TTC29: variants seen among roughly 807,000 people sequenced by gnomAD.
TTC29 encodes the protein tetratricopeptide repeat protein 29.
A neutral mutation model predicts 58.1 loss-of-function variants in TTC29; 49 were observed. The observed-to-expected ratio is 0.84, with a 90% CI of 0.67 to 1.07. The LOEUF is 1.07. Ranked by LOEUF, TTC29 falls within the 50% of genes least tolerant of loss-of-function variation. TTC29 has a pLI of 0.00. For synonymous variants in TTC29, 209 were observed against 196.8 expected (o/e 1.06, Z -0.52); for missense variants, 582 against 555.6 (o/e 1.05, Z -0.48).
chr4:146,869,578 C>A (rs1730793903), intron 7 of TTC29, among the ~76,000 whole-genome samples: 2 of 152,042 alleles, frequency 1.3e-5, no homozygotes, highest in African/African-American at 4.8e-5. Flanking sequence ...CAGGAAGCTA[C>A]TTATTAGAGA....
intron 8 of TTC29, among the ~76,000 whole-genome samples, chr4:146,844,422 G>A (rs552082749): frequency 7.9e-5 from 12 of 151,810 alleles, no homozygotes; most frequent in African/African-American, 1.2e-4. Context: ...ACTCTCAATC[G>A]TTACTGTACT....
rs1030877787 is a variant in TTC29, at chr4:146,713,803, T to A, written c.1331-6252A>T. On this transcript the variant is annotated intron_variant, in intron 11 of 12. Coordinates refer to ENST00000325106, the MANE Select transcript of TTC29 (RefSeq NM_031956.4). The stretch of plus-strand genomic sequence containing the variant: ...TAAATGGAATGCAACTAGGCCTGAA[T>A]GAAGCATTGAAGATACCATATTGAC... 3.3e-5 allele frequency among the ~76,000 whole-genome samples: 5 copies of A among 152,238 alleles called. No individual in the cohort carries two copies. The East Asian group carries it at 7.7e-4, about 24-fold the overall frequency.
At chr4:146,942,460 G>A in intron 2 of TTC29, 1 of 482,418 alleles carries the variant, frequency 2.1e-6, no homozygotes, top group Non-Finnish European at 3.6e-6. Flanking sequence ...AAACAGTTGA[G>A]TTACTGGAAT....
chr4:146,773,787 GT>G lies in TTC29; in HGVS notation c.1330+29669del, dbSNP rs35047211. Among the ~76,000 whole-genome samples the G allele has an allele frequency of 5.5e-3, 795 of 144,380 alleles. 5 individuals are homozygous for G. Among genetic ancestry groups the G allele is most frequent in the African/African-American group, 0.018 (698 of 39,768 alleles). 94.7% of individuals were successfully genotyped at this position (144,380 alleles called of 152,430 possible). On this transcript the variant is annotated intron_variant, in intron 11 of 12. Transcript: ENST00000325106. The stretch of plus-strand genomic sequence containing the variant: ...AAGTGAGGAGTTCCTCCTTCTCAGG[GT>G]TTTTTTTTTTAATACTTTCAGTAGG...
intron 9 of TTC29, chr4:146,831,826 T>C (rs765078410): frequency 7.6e-6 from 3 of 392,256 alleles, no homozygotes; most frequent in Non-Finnish European, 1.6e-5. Flanking sequence ...ATAAAGACCA[T>C]CAGTAACCAA....
chr4:146,909,063 G>A lies in TTC29; in HGVS notation c.363C>T (p.Tyr121=). 1.2e-6 allele frequency: 2 copies of A among 1,613,874 alleles called. No homozygotes were observed. The highest frequency in any genetic ancestry group is 1.1e-5 in the South Asian group (1 of 91,080). ...EEQPDKLDYL[Y]HYLTRAEDAE... ...CGTCCTCAGCCCTGGTCAGGTAATG[G>A]TACAGGTAATCCAGTTTATCAGGCT... is the stretch of plus-strand genomic sequence containing the variant. Residue 121 remains tyrosine, a synonymous_variant, in exon 5 of 13, where the codon TAC becomes TAT. Coordinates refer to ENST00000325106, the MANE Select transcript of TTC29 (RefSeq NM_031956.4).
chr4:146,719,890 A>G (rs1256073197), intron 11 of TTC29, among the ~76,000 whole-genome samples: 2 of 152,158 alleles, frequency 1.3e-5, no homozygotes, highest in Non-Finnish European at 2.9e-5. Context: ...CAGTCATGAA[A>G]TTTCTCTAAA....
intron 6 of TTC29, among the ~76,000 whole-genome samples, chr4:146,891,677 G>A (rs1299300912): frequency 1.3e-5 from 2 of 152,084 alleles, no homozygotes; most frequent in African/African-American, 2.4e-5. Context: ...ATTACTCCTT[G>A]GCCTGGGCAG....
At chr4:146,789,680 T>C (rs1749285577) in intron 11 of TTC29, among the ~76,000 whole-genome samples, 1 of 152,164 alleles carries the variant, frequency 6.6e-6, no homozygotes, top group Non-Finnish European at 1.5e-5. Context: ...TAGACTACAA[T>C]AGAAAAGTAT....
chr4:146,774,451 C>T (rs569638840), intron 11 of TTC29, among the ~76,000 whole-genome samples: 1 of 152,192 alleles, frequency 6.6e-6, no homozygotes, highest in South Asian at 2.1e-4. Flanking sequence ...CAAATAATGT[C>T]TTGATTTCTG....
chr4:146,749,650 C>A (rs1489396043), intron 11 of TTC29, among the ~76,000 whole-genome samples: 3 of 151,990 alleles, frequency 2.0e-5, no homozygotes, highest in Non-Finnish European at 4.4e-5. Context: ...TAAAACTCCC[C>A]AAGTCCTGGG....
intron 11 of TTC29, among the ~76,000 whole-genome samples, chr4:146,737,595 G>GT (rs59944016): frequency 4.1e-5 from 6 of 147,080 alleles, no homozygotes; most frequent in African/African-American, 1.1e-4. Flanking sequence ...AGCCCTGGGG[G>GT]GGGGGGGGCT....
At chr4:146,922,786 A>C (rs766001716) in intron 4 of TTC29, among the ~76,000 whole-genome samples, 8 of 151,910 alleles carry the variant, frequency 5.3e-5, no homozygotes, top group Non-Finnish European at 1.0e-4. Context: ...GATACAGAGA[A>C]TATTTCAAGA....
chr4:146,887,482 G>A (rs1333809594), intron 6 of TTC29, among the ~76,000 whole-genome samples: 4 of 151,994 alleles, frequency 2.6e-5, no homozygotes, highest in African/African-American at 4.8e-5. Context: ...AGGGGAAAAG[G>A]GCCTGATATG....
At chr4:146,886,818 T>A (rs571031017) in intron 6 of TTC29, among the ~76,000 whole-genome samples, 1 of 152,234 alleles carries the variant, frequency 6.6e-6, no homozygotes, top group Admixed American at 6.5e-5. Flanking sequence ...GAATCTAAGA[T>A]CTAAAGACAC....
intron 11 of TTC29, among the ~76,000 whole-genome samples, chr4:146,729,323 T>C (rs1331421419): frequency 6.6e-6 from 1 of 152,192 alleles, no homozygotes; most frequent in Non-Finnish European, 1.5e-5. Context: ...AAAGTTGACT[T>C]TTCATTTAAC....
chr4:146,937,088 G>C (rs1735892338), intron 4 of TTC29, among the ~76,000 whole-genome samples: 1 of 151,894 alleles, frequency 6.6e-6, no homozygotes, highest in Non-Finnish European at 1.5e-5. Context: ...AAATGTCAAA[G>C]TTTGTATCGT....
chr4:146,740,245 G>GCAAACTACATTTCACCT (rs1391225817), intron 11 of TTC29, among the ~76,000 whole-genome samples: 1 of 152,128 alleles, frequency 6.6e-6, no homozygotes, highest in Non-Finnish European at 1.5e-5. Flanking sequence ...AATGGTGGCT[G>GCAAACTACATTTCACCT]CAAACTACAT....
chr4:146,851,221 C>A (rs1308279586), intron 8 of TTC29, among the ~76,000 whole-genome samples: 1 of 152,170 alleles, frequency 6.6e-6, no homozygotes, highest in Non-Finnish European at 1.5e-5. Context: ...CTTATTTAAT[C>A]CTCACAACCA....
Sources: allele counts gnomAD v4.1 joint callset (sites outside exome capture counted in the v4.1 genomes callset), GRCh38; gene constraint gnomAD v4.1.1; transcripts MANE v1.5; gene names NCBI Gene and HGNC (gene_info 2026-07-23, HGNC 2026-07-21).